Variants in SLCO1C1 observed in about 807,000 individuals in gnomAD.
SLCO1C1 encodes the protein OAT-RP-5.
Under a neutral mutation model 76.4 loss-of-function variants are expected in SLCO1C1, and 70 were observed. The observed-to-expected ratio is 0.92, with a 90% CI of 0.76 to 1.12. SLCO1C1 has a LOEUF of 1.12. Among genes scored for constraint, SLCO1C1 ranks in the 50% most tolerant of loss-of-function variants. SLCO1C1 has a pLI of 0.00. For synonymous variants in SLCO1C1, 306 were observed against 286.1 expected (o/e 1.07, Z -0.70); for missense variants, 912 against 823.8 (o/e 1.11, Z -1.31).
rs866231983 is a variant in SLCO1C1 at position 20,752,473 on chromosome 12, C to T, written c.2084C>T (p.Thr695Ile). Reference sequence around the variant, plus strand: ...AGATTCCAAAAGGAAAATTACACTACAAGTGATCATCTGCTACAACCCAAC... The same window carrying T: ...AGATTCCAAAAGGAAAATTACACTATAAGTGATCATCTGCTACAACCCAAC... Reference protein sequence around the residue: ...STRFQKENYTTSDHLLQPNYW... With the variant: ...STRFQKENYTISDHLLQPNYW... Residue 695 changes from threonine (T) to isoleucine (I), a missense_variant, in exon 15 of 15, where the codon ACA becomes ATA. Thr to Ile is a moderately conservative substitution (Grantham distance 89). Coordinates refer to ENST00000266509, the MANE Select transcript of SLCO1C1 (RefSeq NM_017435.5). 20 of 1,612,304 alleles carry T rather than the reference C, an allele frequency of 1.2e-5. No homozygotes were observed. The Middle Eastern group carries it at 6.6e-4, about 53-fold the overall frequency.
intron 1 of SLCO1C1, chr12:20,696,641 C>T (rs1946280128): frequency 6.6e-6 from 1 of 152,050 alleles, no homozygotes; most frequent in South Asian, 2.1e-4. Flanking sequence ...TGAAAACTGT[C>T]GTATGTCTTT....
At chr12:20,737,727 G>A (rs929416438) in intron 11 of SLCO1C1, among the ~76,000 whole-genome samples, 2 of 152,094 alleles carry the variant, frequency 1.3e-5, no homozygotes, top group South Asian at 4.1e-4. Flanking sequence ...ATAATGAGGA[G>A]GTTGATGGTT....
At chr12:20,725,091 T>TTATATAA in intron 9 of SLCO1C1, among the ~76,000 whole-genome samples, 1 of 85,576 alleles carries the variant, frequency 1.2e-5, no homozygotes. Context: ...TTATATAAAA[T>TTATATAA]AATATATACA....
At chr12:20,750,032 A>G (rs1026713497) in intron 13 of SLCO1C1, among the ~76,000 whole-genome samples, 2 of 152,190 alleles carry the variant, frequency 1.3e-5, no homozygotes, top group Non-Finnish European at 1.5e-5. Context: ...AATGTAAGAC[A>G]ACAATCTTGC....
chr12:20,731,754 G>T (rs1021483414), intron 9 of SLCO1C1, among the ~76,000 whole-genome samples: 3 of 152,130 alleles, frequency 2.0e-5, no homozygotes, highest in Non-Finnish European at 2.9e-5. Flanking sequence ...CCAACAAATG[G>T]CACCAAAGTG....
chr12:20,700,996 T>A (rs1397305940), intron 2 of SLCO1C1, among the ~76,000 whole-genome samples: 1 of 152,048 alleles, frequency 6.6e-6, no homozygotes, highest in Non-Finnish European at 1.5e-5. Context: ...TGTCTCACCA[T>A]ACACTGACTC....
intron 7 of SLCO1C1, among the ~76,000 whole-genome samples, chr12:20,718,661 A>T (rs1947501788): frequency 1.3e-5 from 2 of 152,126 alleles, no homozygotes; most frequent in South Asian, 4.1e-4. Context: ...GTAAAATCTC[A>T]CACAGACATT....
intron 4 of SLCO1C1, among the ~76,000 whole-genome samples, chr12:20,709,611 G>T (rs1946963984): frequency 6.4e-5 from 1 of 15,614 alleles, no homozygotes; most frequent in Admixed American, 3.4e-4. Flanking sequence ...GCCGGGCGCG[G>T]TGGCTCACGC....
chr12:20,733,250 C>A, intron 10 of SLCO1C1, 146 bp downstream of exon 10: 2 of 724,318 alleles, frequency 2.8e-6, no homozygotes, highest in Non-Finnish European at 4.2e-6. Flanking sequence ...ACTGACAATA[C>A]CTAGAATCTG....
chr12:20,706,000 G>A lies in SLCO1C1; in HGVS notation c.323G>A (p.Arg108Lys), dbSNP rs923094661. The stretch of plus-strand genomic sequence containing the variant: ...AGCTACTTTGGAGCCAAACTTCACA[G>A]GCCAAAAATAATTGGAGCAGGGTGT... ...FVSYFGAKLH[R>K]PKIIGAGCVI... The change falls in exon 4 of 15, where the codon AGG (arginine) becomes AAG (lysine). Residue 108 changes from arginine to lysine, a missense_variant. By Grantham distance (26) the Arg-to-Lys change is conservative. Coordinates refer to ENST00000266509, the MANE Select transcript of SLCO1C1 (RefSeq NM_017435.5). 5.0e-6 allele frequency: 8 copies of A among 1,613,288 alleles called. No individual in the cohort carries two copies. In the Middle Eastern group the frequency reaches 4.9e-4, roughly 100 times the overall value.
intron 9 of SLCO1C1, among the ~76,000 whole-genome samples, chr12:20,723,910 C>T (rs1483546039): frequency 6.6e-6 from 1 of 151,992 alleles, no homozygotes; most frequent in East Asian, 1.9e-4. Context: ...ATAGGAGACT[C>T]CAGTGGTATA....
intron 7 of SLCO1C1, among the ~76,000 whole-genome samples, chr12:20,720,314 A>G (rs1947597168): frequency 6.6e-6 from 1 of 152,208 alleles, no homozygotes; most frequent in African/African-American, 2.4e-5. Flanking sequence ...CTGCTAACAT[A>G]CCGTCCATTT....
At chr12:20,730,075 A>G (rs1565529724) in intron 9 of SLCO1C1, among the ~76,000 whole-genome samples, 1 of 152,146 alleles carries the variant, frequency 6.6e-6, no homozygotes, top group African/African-American at 2.4e-5. Flanking sequence ...ACCTTGTGTT[A>G]TTACTTCTTA....
At chr12:20,751,499 C>G (rs1949305364) in intron 14 of SLCO1C1, among the ~76,000 whole-genome samples, 1 of 152,112 alleles carries the variant, frequency 6.6e-6, no homozygotes, top group Non-Finnish European at 1.5e-5. Context: ...TGGTACTGAA[C>G]CATCTAAGTT....
rs374497854 is a variant in SLCO1C1, at chr12:20,719,977, TA to T, written c.776-1824del. ...ATAGAGGAGAAGTCAATCCTGACTT[TA>T]AAGCTTCAAAGGACAGGGTGACTCT... On this transcript the variant is annotated intron_variant, in intron 7 of 14. Transcript: ENST00000266509. 7.1e-4 allele frequency among the ~76,000 whole-genome samples: 108 copies of T among 152,316 alleles called. No individual in the cohort carries two copies. The East Asian group carries it at 0.016, about 23-fold the overall frequency.
intron 1 of SLCO1C1, among the ~76,000 whole-genome samples, chr12:20,698,482 A>G (rs1188385477): frequency 6.6e-6 from 1 of 152,038 alleles, no homozygotes; most frequent in East Asian, 1.9e-4. Flanking sequence ...AATCGTTTAT[A>G]CTATTACTTG....
Position 20,752,594 on chromosome 12 carries a change from C to G in SLCO1C1, c.*66C>G. ...ATTTTGCAAACAAATAAATTGTAATCAAAAGAGCTCTAAATTTGTAATTTC... is the reference window on the plus strand; with the variant it reads ...ATTTTGCAAACAAATAAATTGTAATGAAAAGAGCTCTAAATTTGTAATTTC... On this transcript the variant is annotated 3_prime_UTR_variant, in exon 15 of 15. Coordinates refer to ENST00000266509, the MANE Select transcript of SLCO1C1 (RefSeq NM_017435.5). The G allele has an allele frequency of 7.7e-7, 1 of 1,305,078 alleles. No individual in the cohort carries two copies. Among genetic ancestry groups the G allele is most frequent in the Non-Finnish European group, 1.0e-6 (1 of 960,826 alleles). The allele number at this position is 1,305,078 out of a possible 1,614,324, so 80.8% of individuals were successfully genotyped here. A position where few individuals can be genotyped will look rare whatever the true frequency, so the allele number is the denominator to read the frequency against.
intron 10 of SLCO1C1, among the ~76,000 whole-genome samples, chr12:20,734,993 C>A: frequency 6.6e-6 from 1 of 152,154 alleles, no homozygotes; most frequent in East Asian, 1.9e-4. Context: ...CATAAACATT[C>A]TGGCATATTT....
At chr12:20,697,804 A>C (rs1210863237) in intron 1 of SLCO1C1, among the ~76,000 whole-genome samples, 1 of 152,022 alleles carries the variant, frequency 6.6e-6, no homozygotes, top group Non-Finnish European at 1.5e-5. Context: ...AATTTTTATA[A>C]TCTATGGGCT....
Sources: allele counts gnomAD v4.1 joint callset (sites outside exome capture counted in the v4.1 genomes callset), GRCh38; gene constraint gnomAD v4.1.1; transcripts MANE v1.5; gene names NCBI Gene and HGNC (gene_info 2026-07-23, HGNC 2026-07-21).